ROBO2: variants seen among roughly 807,000 people sequenced by gnomAD.
ROBO2 encodes roundabout guidance receptor 2, also known as roundabout homolog 2.
In ROBO2, 53 loss-of-function variants were observed where a neutral mutation model predicts 160.8. That is an observed-to-expected ratio of 0.33 (90% CI 0.26 to 0.41). ROBO2 has a LOEUF of 0.41. ROBO2 is among the 10% of genes least tolerant of loss of function. ROBO2 has a pLI of 1.00. For synonymous variants in ROBO2, 664 were observed against 611.7 expected (o/e 1.09, Z -1.26); for missense variants, 1,577 against 1,722.4 (o/e 0.92, Z 1.49).
intron 2 of ROBO2, among the ~76,000 whole-genome samples, chr3:76,273,297 G>A (rs1303578975): frequency 2.0e-5 from 3 of 150,386 alleles, no homozygotes; most frequent in Non-Finnish European, 4.4e-5. Context: ...GTTTTTCGAG[G>A]CAATTATGCT....
chr3:76,944,805 T>C (rs1306469964), intron 2 of ROBO2, among the ~76,000 whole-genome samples: 1 of 152,070 alleles, frequency 6.6e-6, no homozygotes, highest in Non-Finnish European at 1.5e-5. Context: ...TAAGGTAAGA[T>C]GGACAGATTA....
chr3:77,284,179 C>T (rs2060428703), intron 2 of ROBO2, among the ~76,000 whole-genome samples: 1 of 152,144 alleles, frequency 6.6e-6, no homozygotes, highest in South Asian at 2.1e-4. Flanking sequence ...TTTTGTGCTA[C>T]AACAATAGAG....
intron 2 of ROBO2, among the ~76,000 whole-genome samples, chr3:77,349,782 C>A (rs1018276803): frequency 6.6e-6 from 1 of 151,992 alleles, no homozygotes. Context: ...GACCAACTCA[C>A]TTTTTTTCAG....
chr3:77,286,798 T>C (rs1325969806), intron 2 of ROBO2, among the ~76,000 whole-genome samples: 1 of 152,224 alleles, frequency 6.6e-6, no homozygotes, highest in Non-Finnish European at 1.5e-5. Flanking sequence ...CACTGAAAAA[T>C]ACTTGAAACA....
At chr3:77,066,718 A>G (rs1258810511) in intron 1 of ROBO2, among the ~76,000 whole-genome samples, 1 of 152,096 alleles carries the variant, frequency 6.6e-6, no homozygotes, top group East Asian at 1.9e-4. Flanking sequence ...GGTTTTAAAC[A>G]CTTTTTGATA....
intron 2 of ROBO2, among the ~76,000 whole-genome samples, chr3:77,104,248 T>G (rs1434259165): frequency 6.6e-6 from 1 of 152,134 alleles, no homozygotes; most frequent in Non-Finnish European, 1.5e-5. Flanking sequence ...CCTAAGTAAA[T>G]GCTAATCTAC....
At chr3:77,083,273 T>A (rs1456566176) in intron 1 of ROBO2, among the ~76,000 whole-genome samples, 1 of 152,124 alleles carries the variant, frequency 6.6e-6, no homozygotes, top group Non-Finnish European at 1.5e-5. Context: ...GGTTCAGAGT[T>A]TTGTACTTCA....
chr3:76,710,462 AAAGAT>A (rs749318097), intron 2 of ROBO2, among the ~76,000 whole-genome samples: 1 of 152,188 alleles, frequency 6.6e-6, no homozygotes, highest in Non-Finnish European at 1.5e-5. Flanking sequence ...TCAGCTAAGA[AAAGAT>A]AAGAAGACAT....
chr3:76,555,362 AGAAGAAG>A (rs1289138699), intron 2 of ROBO2, among the ~76,000 whole-genome samples: 24 of 50,544 alleles, frequency 4.7e-4, no homozygotes, highest in African/African-American at 9.4e-4. Context: ...GGAAGAGAGA[AGAAGAAG>A]AAGAAGAAGA....
chr3:76,940,878 T>C (rs1393681509), intron 2 of ROBO2, among the ~76,000 whole-genome samples: 1 of 152,240 alleles, frequency 6.6e-6, no homozygotes, highest in African/African-American at 2.4e-5. Context: ...TCAGCTTTCA[T>C]CTAAACTTTT....
At chr3:77,314,236 G>A (rs539549316) in intron 2 of ROBO2, among the ~76,000 whole-genome samples, 1 of 152,146 alleles carries the variant, frequency 6.6e-6, no homozygotes, top group Non-Finnish European at 1.5e-5. Flanking sequence ...CATTCGGCAA[G>A]CACCAATAAT....
At chr3:76,192,719 A>G (rs1315870882) in intron 2 of ROBO2, among the ~76,000 whole-genome samples, 3 of 152,076 alleles carry the variant, frequency 2.0e-5, no homozygotes, top group Admixed American at 6.6e-5. Context: ...GATAACTTCA[A>G]TTTATGTTGG....
At chr3:76,463,543 A>C (rs1230603626) in intron 2 of ROBO2, among the ~76,000 whole-genome samples, 1 of 151,546 alleles carries the variant, frequency 6.6e-6, no homozygotes, top group East Asian at 1.9e-4. Context: ...GGGCATTAAT[A>C]CTCCAAACCT....
At chr3:76,030,212 C>T (rs540887571) in intron 2 of ROBO2, among the ~76,000 whole-genome samples, 5 of 151,784 alleles carry the variant, frequency 3.3e-5, no homozygotes, top group East Asian at 1.9e-4. Flanking sequence ...TTGATGGGGT[C>T]GTTTGCTTTT....
chr3:76,381,274 TAAATC>T (rs2076607849), intron 2 of ROBO2, among the ~76,000 whole-genome samples: 1 of 152,116 alleles, frequency 6.6e-6, no homozygotes, highest in African/African-American at 2.4e-5. Context: ...TAGACCAAAA[TAAATC>T]AAGTTAGGGA....
chr3:76,931,899 T>C (rs1369227782), intron 2 of ROBO2, among the ~76,000 whole-genome samples: 2 of 152,132 alleles, frequency 1.3e-5, no homozygotes, highest in Non-Finnish European at 2.9e-5. Flanking sequence ...CAGGCTGGTC[T>C]CAAACTCCTG....
At chr3:76,492,292 G>A (rs1466583721) in intron 2 of ROBO2, among the ~76,000 whole-genome samples, 1 of 152,120 alleles carries the variant, frequency 6.6e-6, no homozygotes, top group African/African-American at 2.4e-5. Context: ...ATTGAGAATA[G>A]ATGAGAATTA....
At chr3:76,341,786 T>C (rs1003734409) in intron 2 of ROBO2, among the ~76,000 whole-genome samples, 2 of 152,146 alleles carry the variant, frequency 1.3e-5, no homozygotes, top group African/African-American at 4.8e-5. Flanking sequence ...TTAGCTGCCA[T>C]GTTTAAAATG....
chr3:76,408,041 C>CAA (rs2075301604), intron 2 of ROBO2, among the ~76,000 whole-genome samples: 1 of 151,910 alleles, frequency 6.6e-6, no homozygotes, highest in South Asian at 2.1e-4. Flanking sequence ...CCAGGGAAGC[C>CAA]AAAGATTGAA....
Sources: allele counts gnomAD v4.1 joint callset (sites outside exome capture counted in the v4.1 genomes callset), GRCh38; gene constraint gnomAD v4.1.1; transcripts MANE v1.5; gene names NCBI Gene and HGNC (gene_info 2026-07-23, HGNC 2026-07-21).